The following DOCK7 variants were observed in gnomAD, a reference collection of about 807,000 sequenced individuals.
The protein encoded by DOCK7 is dedicator of cytokinesis 7.
Under a neutral mutation model 271.0 loss-of-function variants are expected in DOCK7, and 138 were observed. The observed-to-expected ratio is 0.51, with a 90% CI of 0.44 to 0.59. DOCK7 has a LOEUF of 0.59. Among genes scored for constraint, DOCK7 ranks in the 20% least tolerant of loss-of-function variants. The pLI, the probability that DOCK7 is intolerant of heterozygous loss-of-function variation, is 0.00. For synonymous variants in DOCK7, 823 were observed against 876.1 expected (o/e 0.94, Z 1.07); for missense variants, 2,066 against 2,592.4 (o/e 0.80, Z 4.41).
chr1:62,671,163 C>T (rs1184949050), intron 1 of DOCK7, among the ~76,000 whole-genome samples: 2 of 152,124 alleles, frequency 1.3e-5, no homozygotes, highest in African/African-American at 4.8e-5. Flanking sequence ...AGACTCCAGA[C>T]GCGCCACCTT....
chr1:62,455,328 A>G lies in DOCK7; in HGVS notation c.*86T>C. ...AATGAATAATAATTTCCAGAATTCC[A>G]TTCCATGTTGTTTTCCAATAGATCT... On this transcript the variant is annotated 3_prime_UTR_variant, in exon 50 of 50. Coordinates refer to ENST00000635253, the MANE Select transcript of DOCK7 (RefSeq NM_001367561.1). The G allele has an allele frequency of 1.4e-6, 2 of 1,412,136 alleles. No homozygotes were observed. The highest frequency in any genetic ancestry group is 2.0e-6 in the Non-Finnish European group (2 of 1,002,798). 87.5% of individuals were successfully genotyped at this position (1,412,136 alleles called of 1,614,324 possible).
chr1:62,506,575 A>G (rs1646943223), intron 35 of DOCK7, among the ~76,000 whole-genome samples: 2 of 151,804 alleles, frequency 1.3e-5, no homozygotes, highest in African/African-American at 4.8e-5. Flanking sequence ...GCTTCAAGCA[A>G]TTCTTGTGCC....
At position 62,523,069 on chromosome 1, in the gene DOCK7, G is replaced by A. The variant is rs559654511; in HGVS notation, c.3936+5082C>T. On this transcript the variant is annotated intron_variant, in intron 31 of 49. Transcript: ENST00000635253. ...CACTAAAGGCAGCCTAAACAATGGGGGGATTTGTGTTCAAAAATTACGAGA... is the reference window on the plus strand; with the variant it reads ...CACTAAAGGCAGCCTAAACAATGGGAGGATTTGTGTTCAAAAATTACGAGA... 1.9e-4 allele frequency among the ~76,000 whole-genome samples: 29 copies of A among 152,112 alleles called. No homozygotes were observed. The South Asian group carries it at 5.8e-3, about 31-fold the overall frequency.
At position 62,508,044 on chromosome 1, in the gene DOCK7, A is replaced by G. The variant is rs1280481112; in HGVS notation, c.4394T>C (p.Ile1465Thr). The G allele has an allele frequency of 6.2e-7, 1 of 1,609,382 alleles. No homozygotes were observed. The highest frequency in any genetic ancestry group is 8.5e-7 in the Non-Finnish European group (1 of 1,178,912). The change falls in exon 35 of 50, where the codon ATT becomes ACT. Residue 1465 changes from isoleucine to threonine, a missense_variant. Physicochemically the swap from Ile to Thr is moderately conservative, Grantham distance 89. Transcript: ENST00000635253. ...TCCATCAATCAGTGCTTCGTGTTCA[A>G]TCTCTGCTCTTGATCTAATACAAAA... ...TEKLDKSRAE[I>T]EHEALIDGNL...
intron 1 of DOCK7, among the ~76,000 whole-genome samples, chr1:62,664,727 C>G (rs1659075369): frequency 1.3e-5 from 2 of 150,912 alleles, no homozygotes; most frequent in Non-Finnish European, 2.9e-5. Flanking sequence ...TCTATACTTT[C>G]CATTCATTTT....
chr1:62,555,589 TC>T (rs1161666754), intron 21 of DOCK7, among the ~76,000 whole-genome samples: 2 of 152,186 alleles, frequency 1.3e-5, no homozygotes, highest in African/African-American at 4.8e-5. Context: ...AAAAATTAAC[TC>T]AACCAAGAAC....
intron 14 of DOCK7, among the ~76,000 whole-genome samples, chr1:62,589,422 T>C (rs748309020): frequency 4.6e-5 from 7 of 152,184 alleles, no homozygotes; most frequent in Non-Finnish European, 1.0e-4. Context: ...GATTCAATCA[T>C]AGTGGTCTGT....
chr1:62,545,356 A>AG (rs1645669572), intron 22 of DOCK7, among the ~76,000 whole-genome samples: 1 of 152,158 alleles, frequency 6.6e-6, no homozygotes, highest in African/African-American at 2.4e-5. Context: ...TTCTTTAAAG[A>AG]TAGTACAAGT....
At chr1:62,621,917 T>C (rs1282948984) in intron 12 of DOCK7, among the ~76,000 whole-genome samples, 1 of 152,224 alleles carries the variant, frequency 6.6e-6, no homozygotes, top group African/African-American at 2.4e-5. Flanking sequence ...ATTTCACCCA[T>C]TAAATTATAT....
At chr1:62,681,152 T>C (rs1044860772) in intron 1 of DOCK7, among the ~76,000 whole-genome samples, 1 of 151,920 alleles carries the variant, frequency 6.6e-6, no homozygotes, top group South Asian at 2.1e-4. Context: ...CCATCAATGA[T>C]AGACTGGATG....
At chr1:62,578,365 A>G (rs527525117) in intron 17 of DOCK7, among the ~76,000 whole-genome samples, 3 of 152,270 alleles carry the variant, frequency 2.0e-5, no homozygotes, top group African/African-American at 7.2e-5. Flanking sequence ...TCTTGTTATA[A>G]TGGCTCTTCC....
intron 31 of DOCK7, among the ~76,000 whole-genome samples, chr1:62,524,990 T>TA (rs1317452575): frequency 6.9e-6 from 1 of 144,606 alleles, no homozygotes; most frequent in African/African-American, 2.6e-5. Context: ...AATGCAAACT[T>TA]AGACGGTAAA....
rs1645576479 is a variant in DOCK7, at chr1:62,542,720, C to A, written c.2950-17G>T. On this transcript the variant is annotated splice_polypyrimidine_tract_variant and intron_variant, in intron 24 of 49. Coordinates refer to ENST00000635253, the MANE Select transcript of DOCK7 (RefSeq NM_001367561.1). ...GTGAAAAAGCTATCCAGAAGTAAATCCAAAGTTATTATCAAAGTCAAATCT... is the reference window on the plus strand; with the variant it reads ...GTGAAAAAGCTATCCAGAAGTAAATACAAAGTTATTATCAAAGTCAAATCT... 2 of 1,607,380 alleles carry A rather than the reference C, an allele frequency of 1.2e-6. No homozygotes were observed. The highest frequency in any genetic ancestry group is 1.7e-6 in the Non-Finnish European group (2 of 1,176,842).
intron 31 of DOCK7, among the ~76,000 whole-genome samples, chr1:62,526,279 A>T (rs995021338): frequency 6.6e-6 from 1 of 152,174 alleles, no homozygotes; most frequent in Admixed American, 6.5e-5. Context: ...TCCAAAGGAG[A>T]TATACAAAAC....
rs1292286322 is a variant in DOCK7 at position 62,670,014 on chromosome 1, TGG to T, written c.39-6886_39-6885del. ...AGCCAGCCCTGCTGGCCCCGGGCAATGGGGGACTTAGCACCCGGGCCAGTGGC... is the reference window on the plus strand; with the variant it reads ...AGCCAGCCCTGCTGGCCCCGGGCAATGGGACTTAGCACCCGGGCCAGTGGC... On this transcript the variant is annotated intron_variant, in intron 1 of 49. Transcript: ENST00000635253. Among the ~76,000 whole-genome samples, 5 of 152,350 alleles carry T rather than the reference TGG, an allele frequency of 3.3e-5. No homozygotes were observed. The East Asian group carries it at 5.8e-4, about 18-fold the overall frequency.
At chr1:62,496,013 T>C (rs1157182509) in intron 38 of DOCK7, 5 of 350,554 alleles carry the variant, frequency 1.4e-5, no homozygotes, top group Non-Finnish European at 2.5e-5. Context: ...AAAAGGTAGT[T>C]TGTAGAAACT....
chr1:62,644,690 T>C (rs532989691), intron 7 of DOCK7, among the ~76,000 whole-genome samples: 13 of 152,338 alleles, frequency 8.5e-5, no homozygotes, highest in Non-Finnish European at 1.6e-4. Context: ...GGAAGGCTGT[T>C]CTTAGGGAAC....
At position 62,603,634 on chromosome 1, in the gene DOCK7, C is replaced by T. The variant is rs571539497; in HGVS notation, c.1682+15072G>A. Among the ~76,000 whole-genome samples the T allele has an allele frequency of 5.3e-5, 8 of 151,752 alleles. No individual in the cohort carries two copies. The East Asian group carries it at 1.4e-3, about 26-fold the overall frequency. ...TAAATAGCTGACAGTAAAGTTTATC[C>T]ATATAAAGACTTGCAAATATTCCTC... is the stretch of plus-strand genomic sequence containing the variant. On this transcript the variant is annotated intron_variant, in intron 14 of 49. Transcript: ENST00000635253.
chr1:62,539,297 C>T (rs1337742249), intron 27 of DOCK7, among the ~76,000 whole-genome samples: 5 of 152,144 alleles, frequency 3.3e-5, no homozygotes, highest in African/African-American at 1.2e-4. Flanking sequence ...ATTAAAGAGT[C>T]ATGAGTAGGC....
Sources: allele counts gnomAD v4.1 joint callset (sites outside exome capture counted in the v4.1 genomes callset), GRCh38; gene constraint gnomAD v4.1.1; transcripts MANE v1.5; gene names NCBI Gene and HGNC (gene_info 2026-07-23, HGNC 2026-07-21).